Variants in CD226 observed in about 807,000 individuals in gnomAD.
CD226 encodes CD226 molecule.
A neutral mutation model predicts 34.9 loss-of-function variants in CD226; 24 were observed. The ratio of observed to expected loss-of-function variants is 0.69; its 90% confidence interval spans 0.50 to 0.97. The LOEUF is 0.97. Among genes scored for constraint, CD226 ranks in the 50% least tolerant of loss-of-function variants. The pLI is 0.00. For missense variants in CD226, 397 were observed against 412.7 expected, an observed-to-expected ratio of 0.96 and a Z score of 0.33; for synonymous variants, 148 against 147.4, an observed-to-expected ratio of 1.00 and a Z score of -0.03.
intron 2 of CD226, among the ~76,000 whole-genome samples, chr18:69,939,205 C>T (rs1454258692): frequency 1.3e-5 from 2 of 152,182 alleles, no homozygotes; most frequent in African/African-American, 2.4e-5. Context: ...CCTTAAAGAC[C>T]CTTTCAGCCC....
chr18:69,920,685 T>TCA (rs2055440521), intron 2 of CD226, among the ~76,000 whole-genome samples: 1 of 152,226 alleles, frequency 6.6e-6, no homozygotes, highest in African/African-American at 2.4e-5. Context: ...TGATAAACAC[T>TCA]TTGCAGCGGA....
At chr18:69,948,629 T>C (rs147274440), upstream of CD226, among the ~76,000 whole-genome samples, 1 of 152,366 alleles carries the variant, frequency 6.6e-6, no homozygotes, top group African/African-American at 2.4e-5. Context: ...AAGCATGGTG[T>C]CACCTTGTGT....
chr18:69,870,696 G>A (rs1440782259), intron 4 of CD226, among the ~76,000 whole-genome samples: 3 of 152,140 alleles, frequency 2.0e-5, no homozygotes, highest in Admixed American at 6.5e-5. Context: ...AGAAGCTGCC[G>A]CCAATCCCTC....
At chr18:69,908,612 T>C (rs2055285024) in intron 2 of CD226, among the ~76,000 whole-genome samples, 2 of 142,180 alleles carry the variant, frequency 1.4e-5, no homozygotes, top group South Asian at 4.2e-4. Context: ...ACTCTAATTG[T>C]AGCCCCTTTT....
At chr18:69,908,476 C>A (rs2055283245) in intron 2 of CD226, among the ~76,000 whole-genome samples, 1 of 152,150 alleles carries the variant, frequency 6.6e-6, no homozygotes, top group Non-Finnish European at 1.5e-5. Flanking sequence ...TGCACAACAG[C>A]AAGAATGACT....
At chr18:69,879,436 C>G (rs149408486) in intron 3 of CD226, among the ~76,000 whole-genome samples, 18 of 152,166 alleles carry the variant, frequency 1.2e-4, no homozygotes, top group African/African-American at 3.9e-4. Flanking sequence ...ATATTCCTTA[C>G]TGGGGAAGGA....
At chr18:69,933,434 C>A (rs12455284) in intron 2 of CD226, among the ~76,000 whole-genome samples, 116,108 of 152,106 alleles carry the variant, frequency 0.76, 51,489 homozygotes, top group East Asian at 1. Context: ...CAGCCCTTGT[C>A]TCCATTCATC....
At chr18:69,899,387 C>T (rs911169631) in intron 2 of CD226, among the ~76,000 whole-genome samples, 1 of 152,226 alleles carries the variant, frequency 6.6e-6, no homozygotes, top group African/African-American at 2.4e-5. Context: ...TAAACCCAAG[C>T]CTCTGTATAG....
chr18:69,938,004 G>A (rs115831764), intron 2 of CD226, among the ~76,000 whole-genome samples: 124 of 152,334 alleles, frequency 8.1e-4, no homozygotes, highest in African/African-American at 2.7e-3. Context: ...TCCCTGAAGG[G>A]TGTAGAGATA....
chr18:69,857,063 G>A lies in CD226; in HGVS notation c.*7251C>T, dbSNP rs2145157130. 1 of 152,390 alleles carries A rather than the reference G, an allele frequency of 6.6e-6. No individual in the cohort carries two copies. The highest frequency in any genetic ancestry group is 2.1e-4 in the South Asian group (1 of 4,824). The allele number at this position is 152,390 out of a possible 1,614,324, so 9.4% of individuals were successfully genotyped here. On this transcript the variant is annotated 3_prime_UTR_variant, in exon 6 of 6. Coordinates refer to ENST00000582621, the MANE Select transcript of CD226 (RefSeq NM_001303618.2). ...GGGCGCCTGAAGTCCCAGCTACTCG[G>A]GAGGCTGAGGCAGGAGAATGGCGTG...
chr18:69,947,067 G>A lies in CD226; in HGVS notation c.49C>T (p.Leu17=). 2 of 1,610,364 alleles carry A rather than the reference G, an allele frequency of 1.2e-6. No homozygotes were observed. The highest frequency in any genetic ancestry group is 8.5e-7 in the Non-Finnish European group (1 of 1,176,942). ...LLALLHVYRA[L]CEEVLWHTSV... is the part of the protein sequence containing the mutation. ...GTATGCCAAAGCACCTCTTCACATA[G>A]AGCTGAAATATACAACATCACATTA... Residue 17 remains leucine, a splice_region_variant and synonymous_variant, in exon 2 of 6, where the codon CTA becomes TTA. Coordinates refer to ENST00000582621, the MANE Select transcript of CD226 (RefSeq NM_001303618.2).
At chr18:69,870,654 C>T (rs548880896) in intron 4 of CD226, among the ~76,000 whole-genome samples, 1 of 152,266 alleles carries the variant, frequency 6.6e-6, no homozygotes, top group East Asian at 1.9e-4. Context: ...CTGTTGCTAT[C>T]TCTGCATGAA....
intron 2 of CD226, among the ~76,000 whole-genome samples, chr18:69,919,988 T>G (rs1343169549): frequency 6.6e-6 from 1 of 151,650 alleles, no homozygotes; most frequent in Non-Finnish European, 1.5e-5. Context: ...CTCAGCCTCC[T>G]AAGTAGCTGG....
intron 3 of CD226, among the ~76,000 whole-genome samples, chr18:69,893,888 G>T (rs1985048431): frequency 6.6e-6 from 1 of 152,194 alleles, no homozygotes; most frequent in Non-Finnish European, 1.5e-5. Flanking sequence ...GAGCTATAGT[G>T]GAAGCTTCTG....
At chr18:69,884,471 T>C (rs113449344) in intron 3 of CD226, among the ~76,000 whole-genome samples, 46 of 152,370 alleles carry the variant, frequency 3.0e-4, no homozygotes, top group Middle Eastern at 3.4e-3. Flanking sequence ...TTGGCAGTTC[T>C]GTCTCTGTCT....
chr18:69,896,415 T>C (rs921760396), intron 2 of CD226, among the ~76,000 whole-genome samples: 4 of 152,160 alleles, frequency 2.6e-5, no homozygotes, highest in Admixed American at 6.5e-5. Context: ...TCTCCTGACC[T>C]TGTGATCCGC....
chr18:69,902,270 C>T (rs776267165), intron 2 of CD226, among the ~76,000 whole-genome samples: 45 of 152,120 alleles, frequency 3.0e-4, no homozygotes, highest in Non-Finnish European at 5.4e-4. Flanking sequence ...CCTTTTGGCG[C>T]CATCCAGTCC....
chr18:69,867,902 T>C (rs1332862299), intron 4 of CD226, among the ~76,000 whole-genome samples: 3 of 152,248 alleles, frequency 2.0e-5, no homozygotes, highest in Non-Finnish European at 2.9e-5. Flanking sequence ...TAAGATTTCA[T>C]ATAAACAGGT....
intron 2 of CD226, among the ~76,000 whole-genome samples, chr18:69,905,197 C>T (rs1347378459): frequency 6.6e-6 from 1 of 152,124 alleles, no homozygotes; most frequent in African/African-American, 2.4e-5. Context: ...GTTTTCTTTT[C>T]CACCCTGCAG....
Sources: allele counts gnomAD v4.1 joint callset (sites outside exome capture counted in the v4.1 genomes callset), GRCh38; gene constraint gnomAD v4.1.1; transcripts MANE v1.5; gene names NCBI Gene and HGNC (gene_info 2026-07-23, HGNC 2026-07-21).